The following FGD4 variants were observed in gnomAD, a reference collection of about 807,000 sequenced individuals.
FGD4 encodes the protein FYVE, RhoGEF and PH domain-containing protein 4.
A neutral mutation model predicts 102.0 loss-of-function variants in FGD4; 42 were observed. The ratio of observed to expected loss-of-function variants is 0.41; its 90% CI spans 0.32 to 0.53. FGD4 has a LOEUF of 0.53. Among genes scored for constraint, FGD4 ranks in the 20% least tolerant of loss-of-function variants. FGD4 has a pLI of 0.21. For synonymous variants in FGD4, 380 were observed against 375.7 expected, an observed-to-expected ratio of 1.01 and a Z score of -0.13; for missense variants, 902 against 1,078.2, an observed-to-expected ratio of 0.84 and a Z score of 2.29.
chr12:32,605,559 A>G (rs1425162947), intron 7 of FGD4, among the ~76,000 whole-genome samples: 3 of 151,942 alleles, frequency 2.0e-5, no homozygotes, highest in African/African-American at 4.8e-5. Flanking sequence ...CTAGTTCTCT[A>G]CTCCCAAACT....
chr12:32,501,266 G>A (rs1244127389), intron 1 of FGD4, among the ~76,000 whole-genome samples: 1 of 152,176 alleles, frequency 6.6e-6, no homozygotes, highest in East Asian at 1.9e-4. Flanking sequence ...GTGTTGCTCA[G>A]GCTGGTGTCA....
chr12:32,613,079 T>C (rs1949245327), intron 10 of FGD4, among the ~76,000 whole-genome samples: 1 of 152,224 alleles, frequency 6.6e-6, no homozygotes, highest in Admixed American at 6.5e-5. Context: ...TTAGCTTTCA[T>C]TCTAATTGTT....
chr12:32,480,640 A>G (rs537807513), intron 1 of FGD4, among the ~76,000 whole-genome samples: 2 of 151,492 alleles, frequency 1.3e-5, no homozygotes, highest in East Asian at 2.0e-4. Flanking sequence ...AGCTGGGATT[A>G]CAGGCACGCA....
At chr12:32,403,527 A>G (rs1035193086) in intron 1 of FGD4, among the ~76,000 whole-genome samples, 1 of 151,634 alleles carries the variant, frequency 6.6e-6, no homozygotes, top group South Asian at 2.1e-4. Context: ...CATGAGTTTG[A>G]GGATGAAGTA....
In FGD4 at chr12:32,625,289, T is replaced by A. The variant is rs12303795; in HGVS notation, c.2046+221T>A. Among the ~76,000 whole-genome samples the A allele has an allele frequency of 3.1e-3, 453 of 143,838 alleles. 2 individuals carry two copies. The highest frequency in any genetic ancestry group is 0.011 in the Middle Eastern group (3 of 280). 94.4% of individuals were successfully genotyped at this position (143,838 alleles called of 152,430 possible). Reference sequence around the variant, plus strand: ...TTATTCTTTTTTTTTTTTTTTTTTTTAACAGAGTCTTGCTCTGTCACCCAA... The same window carrying A: ...TTATTCTTTTTTTTTTTTTTTTTTTAAACAGAGTCTTGCTCTGTCACCCAA... On this transcript the variant is annotated intron_variant, in intron 13 of 16. Coordinates refer to ENST00000534526, the MANE Select transcript of FGD4 (RefSeq NM_001370298.3).
intron 1 of FGD4, among the ~76,000 whole-genome samples, chr12:32,545,526 T>C (rs1289352955): frequency 1.3e-5 from 2 of 152,210 alleles, no homozygotes; most frequent in African/African-American, 4.8e-5. Context: ...TCTACTAACA[T>C]AGTAAAAAGC....
chr12:32,538,624 A>G (rs926996600), intron 1 of FGD4, among the ~76,000 whole-genome samples: 1 of 152,154 alleles, frequency 6.6e-6, no homozygotes, highest in African/African-American at 2.4e-5. Context: ...CCCGTACATG[A>G]TTTTGGATGA....
At position 32,506,252 on chromosome 12, in the gene FGD4, A is replaced by G. The variant is rs1256620874; in HGVS notation, c.167-57885A>G. 1.3e-5 allele frequency among the ~76,000 whole-genome samples: 2 copies of G among 152,230 alleles called. No homozygotes were observed. The highest frequency in any genetic ancestry group is 4.8e-5 in the African/African-American group (2 of 41,460). ...CCTAGGTGGAATACACCTTTGAAAG[A>G]TGATTTTCTCCATAATCAAAGTCAT... is the stretch of plus-strand genomic sequence containing the variant. On this transcript the variant is annotated intron_variant, in intron 1 of 16. Coordinates refer to ENST00000534526, the MANE Select transcript of FGD4 (RefSeq NM_001370298.3). The surrounding 1 kb of genome is among the most constrained non-coding windows in gnomAD (Gnocchi z 4.5).
chr12:32,630,624 A>G (rs150996985), intron 14 of FGD4, among the ~76,000 whole-genome samples: 25 of 152,150 alleles, frequency 1.6e-4, no homozygotes, highest in African/African-American at 5.5e-4. Flanking sequence ...ACCATCCTGC[A>G]CATGCACATG....
At chr12:32,558,418 G>T (rs1944286460) in intron 1 of FGD4, among the ~76,000 whole-genome samples, 1 of 152,204 alleles carries the variant, frequency 6.6e-6, no homozygotes, top group Non-Finnish European at 1.5e-5. Flanking sequence ...CCAGTGCATG[G>T]ATGGATGAGA....
intron 1 of FGD4, among the ~76,000 whole-genome samples, chr12:32,401,289 T>A (rs2136374316): frequency 6.6e-6 from 1 of 152,326 alleles, no homozygotes; most frequent in African/African-American, 2.4e-5. Context: ...AGACGGAGTC[T>A]CACTCTGTCG....
rs750143546 is a variant in FGD4, at chr12:32,582,409, G to A, written c.953G>A (p.Arg318Lys). The stretch of plus-strand genomic sequence containing the variant: ...GAAACAGAAACCAAGGTACAAGAGA[G>A]GGAAAATGGGGAAAGCCCTCTGGAA... ...GAETETKVQE[R>K]ENGESPLELE... The change falls in exon 4 of 17, where the codon AGG (arginine) becomes AAG (lysine). Residue 318 changes from arginine (R) to lysine (K), a missense_variant. By Grantham distance (26) the Arg-to-Lys change is conservative. Coordinates refer to ENST00000534526, the MANE Select transcript of FGD4 (RefSeq NM_001370298.3). 31 of 1,613,688 alleles carry A rather than the reference G, an allele frequency of 1.9e-5. No individual in the cohort carries two copies. In the Admixed American group the frequency reaches 4.8e-4, roughly 25 times the overall value.
intron 1 of FGD4, among the ~76,000 whole-genome samples, chr12:32,507,461 G>C (rs182063195): frequency 1.8e-4 from 27 of 152,286 alleles, no homozygotes; most frequent in Admixed American, 1.5e-3. Flanking sequence ...AAAGTGTGTT[G>C]CTGTTATCCT....
intron 1 of FGD4, among the ~76,000 whole-genome samples, chr12:32,444,399 T>G (rs553983236): frequency 1.3e-5 from 2 of 152,220 alleles, no homozygotes; most frequent in East Asian, 1.9e-4. Context: ...AAGCAATTTT[T>G]TTTTGTTTTG....
At chr12:32,426,356 TGGATTAC>T (rs1386249110) in intron 1 of FGD4, among the ~76,000 whole-genome samples, 3 of 152,314 alleles carry the variant, frequency 2.0e-5, no homozygotes, top group East Asian at 3.9e-4. Context: ...GTTTATGTGA[TGGATTAC>T]GTTTATTGAT....
Position 32,415,843 on chromosome 12 carries a change from C to A in FGD4, c.166+15884C>A, listed in dbSNP as rs1200103802. On this transcript the variant is annotated intron_variant, in intron 1 of 16. Coordinates refer to ENST00000534526, the MANE Select transcript of FGD4 (RefSeq NM_001370298.3). ...TTTCTTACAGTTTTTCTCTTGAAAC[C>A]TATTTCATCTGATATAAGTATAGCT... is the stretch of plus-strand genomic sequence containing the variant. Among the ~76,000 whole-genome samples, 6 of 152,152 alleles carry A rather than the reference C, an allele frequency of 3.9e-5. No homozygotes were observed. The East Asian group carries it at 1.2e-3, about 29-fold the overall frequency.
intron 1 of FGD4, among the ~76,000 whole-genome samples, chr12:32,504,638 G>C (rs1938531990): frequency 6.6e-6 from 1 of 152,106 alleles, no homozygotes; most frequent in East Asian, 1.9e-4. Flanking sequence ...TACAACTTAA[G>C]ACCTTACTGA....
At chr12:32,455,421 AT>A (rs1942922631) in intron 1 of FGD4, among the ~76,000 whole-genome samples, 2 of 152,176 alleles carry the variant, frequency 1.3e-5, no homozygotes, top group Non-Finnish European at 2.9e-5. Flanking sequence ...ATTTAAACAT[AT>A]AGTATAGATT....
intron 1 of FGD4, among the ~76,000 whole-genome samples, chr12:32,516,118 G>A (rs1454945821): frequency 1.3e-5 from 2 of 152,042 alleles, no homozygotes; most frequent in African/African-American, 4.8e-5. Flanking sequence ...TGGGGGGTGG[G>A]GGATTTCAGG....
Sources: allele counts gnomAD v4.1 joint callset (sites outside exome capture counted in the v4.1 genomes callset), GRCh38; gene constraint gnomAD v4.1.1; non-coding constraint Gnocchi (gnomAD v3.1); transcripts MANE v1.5; gene names NCBI Gene and HGNC (gene_info 2026-07-23, HGNC 2026-07-21).